PACC1: variants seen among roughly 807,000 people sequenced by gnomAD.
PACC1 encodes the protein proton activated chloride channel 1.
A neutral mutation model predicts 39.7 loss-of-function variants in PACC1; 34 were observed. The observed-to-expected ratio is 0.86, with a 90% CI of 0.65 to 1.14. The LOEUF (loss-of-function observed/expected upper bound fraction) is 1.14. PACC1 is among the 50% of genes most tolerant of loss of function. PACC1 has a pLI of 0.00. For synonymous variants in PACC1, 127 were observed against 160.6 expected (o/e 0.79, Z 1.58); for missense variants, 379 against 436.4 (o/e 0.87, Z 1.17).
intron 7 of PACC1, among the ~76,000 whole-genome samples, chr1:212,370,728 T>C (rs1327566003): frequency 6.6e-6 from 1 of 152,178 alleles, no homozygotes. Flanking sequence ...AAGGAAATTT[T>C]AACATTTATT....
chr1:212,409,563 G>A (rs1052700463), intron 2 of PACC1, among the ~76,000 whole-genome samples: 1 of 152,092 alleles, frequency 6.6e-6, no homozygotes. Context: ...GTTCAACTGC[G>A]TTAAGTGGTA....
chr1:212,414,787 G>C lies in PACC1; in HGVS notation c.-30C>G. On this transcript the variant is annotated 5_prime_UTR_variant, in exon 1 of 8. Transcript: ENST00000261455. ...CTGACCAGAGCTTCGGCACACCTGA[G>C]ACCGCCCCAGCCCGCGGCGCACGGA... 6.2e-7 allele frequency: 1 copy of C among 1,610,806 alleles called. No individual in the cohort carries two copies. Among genetic ancestry groups the C allele is most frequent in the Non-Finnish European group, 8.5e-7 (1 of 1,177,412 alleles).
chr1:212,377,476 GA>G (rs1446870880), intron 6 of PACC1, 85 bp downstream of exon 6: 1 of 1,570,472 alleles, frequency 6.4e-7, no homozygotes, highest in Non-Finnish European at 8.7e-7. Flanking sequence ...CTGCTCAAAG[GA>G]GCCTTCTCTG....
In PACC1 at chr1:212,414,845, C is replaced by T. The variant is rs905151577; in HGVS notation, c.-88G>A. 6 of 1,561,310 alleles carry T rather than the reference C, an allele frequency of 3.8e-6. No individual in the cohort carries two copies. In the Admixed American group the frequency reaches 5.3e-5, roughly 14 times the overall value. On this transcript the variant is annotated 5_prime_UTR_variant, in exon 1 of 8. Coordinates refer to ENST00000261455, the MANE Select transcript of PACC1 (RefSeq NM_018252.3). Reference sequence around the variant, plus strand: ...CTGCGGCCGCTGCACCTGGACCTACCGGCTCCGCGAGGCGAAACCGGTCCG... The same window carrying T: ...CTGCGGCCGCTGCACCTGGACCTACTGGCTCCGCGAGGCGAAACCGGTCCG...
chr1:212,414,809 C>A lies in PACC1; in HGVS notation c.-52G>T. On this transcript the variant is annotated 5_prime_UTR_variant, in exon 1 of 8. Coordinates refer to ENST00000261455, the MANE Select transcript of PACC1 (RefSeq NM_018252.3). ...TGAGACCGCCCCAGCCCGCGGCGCA[C>A]GGACGCAGCACTGCGGCCGCTGCAC... The A allele has an allele frequency of 1.2e-6, 2 of 1,605,932 alleles. No individual in the cohort carries two copies. Among genetic ancestry groups the A allele is most frequent in the South Asian group, 2.2e-5 (2 of 90,852 alleles).
intron 1 of PACC1, among the ~76,000 whole-genome samples, chr1:212,412,811 G>A (rs1037531075): frequency 4.6e-5 from 7 of 152,206 alleles, no homozygotes; most frequent in Admixed American, 1.3e-4. Context: ...TGCCCACACC[G>A]TTAACAAGAG....
At chr1:212,382,069 C>T (rs545049294) in intron 4 of PACC1, among the ~76,000 whole-genome samples, 16 of 151,422 alleles carry the variant, frequency 1.1e-4, no homozygotes, top group African/African-American at 2.9e-4. Context: ...GACGGTGTCT[C>T]GCTCTGTTGC....
At chr1:212,375,366 G>A (rs966537573) in intron 6 of PACC1, 66 bp from the exon 7 acceptor site, 31 of 1,140,730 alleles carry the variant, frequency 2.7e-5, no homozygotes, top group East Asian at 9.5e-5. Flanking sequence ...TGTGCCCAGC[G>A]AAAGGAGAGA....
intron 1 of PACC1, 36 bp downstream of exon 1, chr1:212,414,686 C>T (rs1481422934): frequency 6.2e-7 from 1 of 1,612,736 alleles, no homozygotes; most frequent in African/African-American, 1.3e-5. Flanking sequence ...TGCTCCTCCG[C>T]CTCAAACTTC....
Position 212,379,968 on chromosome 1 carries a change from G to GTA in PACC1, c.564_565insTA (p.Leu189TyrfsTer2). On this transcript the variant is annotated frameshift_variant, in exon 5 of 8. Coordinates refer to ENST00000261455, the MANE Select transcript of PACC1 (RefSeq NM_018252.3). LOFTEE classifies it high-confidence loss of function. ...CTGAAGTCCTCACTACTCTTGTTCA[G>GTA]GCGGAACTGGAGGAAGACCAGCTCC... 6.2e-7 allele frequency: 1 copy of GTA among 1,614,226 alleles called. No individual in the cohort carries two copies. Among genetic ancestry groups the GTA allele is most frequent in the Non-Finnish European group, 8.5e-7 (1 of 1,180,048 alleles).
chr1:212,399,940 G>C (rs896206804), intron 2 of PACC1, among the ~76,000 whole-genome samples: 2 of 152,002 alleles, frequency 1.3e-5, no homozygotes, highest in Non-Finnish European at 2.9e-5. Flanking sequence ...CGCCTCCTGG[G>C]GTCCAGTGAT....
intron 2 of PACC1, among the ~76,000 whole-genome samples, chr1:212,409,697 T>G (rs138212811): frequency 9.2e-5 from 14 of 152,186 alleles, no homozygotes; most frequent in African/African-American, 3.4e-4. Context: ...AACTATGACA[T>G]GGGCAGTTGG....
intron 4 of PACC1, 60 bp downstream of exon 4, chr1:212,385,214 C>T (rs1661053316): frequency 6.2e-7 from 1 of 1,603,556 alleles, no homozygotes; most frequent in Non-Finnish European, 8.5e-7. Flanking sequence ...AACTTGGGGC[C>T]TTGGGTTGCG....
chr1:212,408,659 G>A (rs2102543958), intron 2 of PACC1, among the ~76,000 whole-genome samples: 2 of 152,294 alleles, frequency 1.3e-5, no homozygotes, highest in Middle Eastern at 6.8e-3. Flanking sequence ...ACCGTGCCCG[G>A]TCCCTTCCAT....
At position 212,410,426 on chromosome 1, in the gene PACC1, T is replaced by A. The variant is rs746745773; in HGVS notation, c.132A>T (p.Pro44=). The change falls in exon 2 of 8, where the codon CCA becomes CCT. Residue 44 remains proline, a splice_region_variant and synonymous_variant. Transcript: ENST00000261455. The part of the protein sequence containing the change: ...TVRVQGPGIL[P]GLDSESASSS... ...CAGCAAAGCACCAAACGCACTCACC[T>A]GGTAAGATACCCGGACCTTGGACTC... 1.2e-6 allele frequency: 2 copies of A among 1,613,908 alleles called. No individual in the cohort carries two copies. Among genetic ancestry groups the A allele is most frequent in the Non-Finnish European group, 1.7e-6 (2 of 1,179,876 alleles).
chr1:212,390,379 C>T (rs1026838505), intron 2 of PACC1, among the ~76,000 whole-genome samples: 3 of 148,610 alleles, frequency 2.0e-5, no homozygotes, highest in Non-Finnish European at 3.0e-5. Context: ...GTTGAGATCA[C>T]GCCATTGCAC....
At chr1:212,370,463 C>T (rs552279842) in intron 7 of PACC1, among the ~76,000 whole-genome samples, 26 of 152,318 alleles carry the variant, frequency 1.7e-4, no homozygotes, top group South Asian at 1.0e-3. Context: ...AACGAGACTC[C>T]GTCTCAAAAC....
intron 1 of PACC1, among the ~76,000 whole-genome samples, chr1:212,411,275 G>A (rs570411905): frequency 1.3e-5 from 2 of 152,200 alleles, no homozygotes; most frequent in Non-Finnish European, 2.9e-5. Context: ...GAGGAAATAC[G>A]GCTTAGAGTC....
intron 2 of PACC1, among the ~76,000 whole-genome samples, chr1:212,390,302 A>C (rs1037886642): frequency 6.6e-6 from 1 of 152,012 alleles, no homozygotes; most frequent in African/African-American, 2.4e-5. Context: ...GCATGCCTAT[A>C]ATCCCAGCTA....
Sources: allele counts gnomAD v4.1 joint callset (sites outside exome capture counted in the v4.1 genomes callset), GRCh38; gene constraint gnomAD v4.1.1; transcripts MANE v1.5; gene names NCBI Gene and HGNC (gene_info 2026-07-23, HGNC 2026-07-21).